NEBL: variants seen among roughly 807,000 people sequenced by gnomAD.
The protein encoded by NEBL is nebulette, also known as LIM and SH3 protein 2.
NEBL carries 122 observed loss-of-function variants against 140.2 expected under a neutral mutation model. The ratio of observed to expected loss-of-function variants is 0.87; its 90% CI spans 0.75 to 1.01. The LOEUF is 1.01. Among genes scored for constraint, NEBL ranks in the 50% least tolerant of loss-of-function variants. The probability of loss-of-function intolerance (pLI) is 0.00; values close to 1 mark genes in which losing one functional copy is unlikely to be tolerated. For synonymous variants in NEBL, 436 were observed against 398.9 expected, an observed-to-expected ratio of 1.09 and a Z score of -1.11; for missense variants, 1,365 against 1,231.3, an observed-to-expected ratio of 1.11 and a Z score of -1.62.
chr10:20,817,286 G>C (rs1314605144), intron 21 of NEBL, among the ~76,000 whole-genome samples: 5 of 152,138 alleles, frequency 3.3e-5, no homozygotes, highest in Non-Finnish European at 5.9e-5. Flanking sequence ...AGGATCACTT[G>C]AACCCAGAAG....
intron 3 of NEBL, among the ~76,000 whole-genome samples, chr10:21,012,917 G>A (rs1195381021): frequency 6.6e-6 from 1 of 152,164 alleles, no homozygotes; most frequent in Non-Finnish European, 1.5e-5. Flanking sequence ...CAGATGAAAA[G>A]GATGCAGGTC....
intron 3 of NEBL, among the ~76,000 whole-genome samples, chr10:21,240,408 C>A (rs531185220): frequency 6.6e-6 from 1 of 152,124 alleles, no homozygotes; most frequent in African/African-American, 2.4e-5. Context: ...CTTTGGGTAC[C>A]AAGGCAGGAG....
At chr10:21,040,348 G>C (rs1412129973) in intron 2 of NEBL, among the ~76,000 whole-genome samples, 4 of 149,042 alleles carry the variant, frequency 2.7e-5, no homozygotes, top group Non-Finnish European at 1.5e-5. Flanking sequence ...AAAAAAAAAA[G>C]AAAGAAAGAG....
chr10:20,895,167 C>G (rs1040975182), intron 2 of NEBL, among the ~76,000 whole-genome samples: 3 of 152,040 alleles, frequency 2.0e-5, no homozygotes, highest in Non-Finnish European at 4.4e-5. Context: ...CAACTCCAAC[C>G]AAATCACCTA....
chr10:21,122,116 C>G (rs995898296), intron 2 of NEBL, among the ~76,000 whole-genome samples: 18 of 152,020 alleles, frequency 1.2e-4, no homozygotes, highest in Admixed American at 2.6e-4. Flanking sequence ...ACCTCCACCT[C>G]CCAGGTTCAA....
intron 2 of NEBL, among the ~76,000 whole-genome samples, chr10:21,049,936 T>TC (rs1834697265): frequency 6.6e-6 from 1 of 152,202 alleles, no homozygotes. Context: ...CCAGAATACC[T>TC]CATTGATGAG....
chr10:20,935,491 G>A (rs1292551331), intron 4 of NEBL, among the ~76,000 whole-genome samples: 5 of 152,102 alleles, frequency 3.3e-5, no homozygotes, highest in Non-Finnish European at 7.4e-5. Flanking sequence ...TCGGTAGTGA[G>A]CCTTAAAATA....
At chr10:21,120,374 C>CAAAAAAAAAAAAAAA (rs1157067083) in intron 2 of NEBL, among the ~76,000 whole-genome samples, 4 of 48,390 alleles carry the variant, frequency 8.3e-5, no homozygotes, top group African/African-American at 3.7e-4. Flanking sequence ...GACTGTGTCT[C>CAAAAAAAAAAAAAAA]AAAAAAAAAA....
chr10:21,166,241 AAAAAGAAAAGAAAAAAAAAT>A (rs1840763667), intron 2 of NEBL, among the ~76,000 whole-genome samples: 3 of 103,272 alleles, frequency 2.9e-5, no homozygotes, highest in African/African-American at 5.0e-5. Context: ...AAAAAAAAAA[AAAAAGAAAAGAAAAAAAAAT>A]TTTCTACATC....
In NEBL at chr10:21,115,572, A is replaced by T. The variant is rs368860618; in HGVS notation, c.164+56811T>A. Among the ~76,000 whole-genome samples, 38 of 151,796 alleles carry T rather than the reference A, an allele frequency of 2.5e-4. 1 individual carries two copies. The South Asian group carries it at 7.1e-3, about 28-fold the overall frequency. Reference sequence around the variant, plus strand: ...TTCAGTGCCTTAAAGGTGCTGCTCCATTGTCTTCCGACTTGCATTGTTTCC... The same window carrying T: ...TTCAGTGCCTTAAAGGTGCTGCTCCTTTGTCTTCCGACTTGCATTGTTTCC... On this transcript the variant is annotated intron_variant, in intron 2 of 6. Coordinates refer to the NEBL transcript ENST00000417816.
intron 3 of NEBL, among the ~76,000 whole-genome samples, chr10:21,222,582 T>C (rs951151334): frequency 2.6e-5 from 4 of 152,184 alleles, no homozygotes; most frequent in African/African-American, 9.6e-5. Flanking sequence ...ATTTTCTTTG[T>C]GTTACTTTTT....
chr10:20,978,439 A>T (rs1474625956), intron 3 of NEBL, among the ~76,000 whole-genome samples: 1 of 152,160 alleles, frequency 6.6e-6, no homozygotes, highest in Non-Finnish European at 1.5e-5. Context: ...CCAAAAAAAA[A>T]AACGAGTTAT....
chr10:20,896,065 A>G (rs1308306050), intron 2 of NEBL, among the ~76,000 whole-genome samples: 3 of 152,108 alleles, frequency 2.0e-5, no homozygotes, highest in Admixed American at 6.5e-5. Flanking sequence ...CCGTTAGAAA[A>G]CAAACGTGCA....
At chr10:21,149,583 G>T (rs562694016) in intron 2 of NEBL, among the ~76,000 whole-genome samples, 1 of 152,146 alleles carries the variant, frequency 6.6e-6, no homozygotes, top group African/African-American at 2.4e-5. Flanking sequence ...GAGCCATCGC[G>T]CCCGACCTGT....
intron 1 of NEBL, among the ~76,000 whole-genome samples, chr10:21,278,689 G>C (rs892414915): frequency 6.6e-6 from 1 of 152,202 alleles, no homozygotes; most frequent in African/African-American, 2.4e-5. Flanking sequence ...GAAAGGAAGG[G>C]ACAGAGGAAG....
chr10:20,865,569 G>A (rs567875976), intron 7 of NEBL, among the ~76,000 whole-genome samples: 4 of 152,202 alleles, frequency 2.6e-5, no homozygotes, highest in African/African-American at 7.2e-5. Context: ...GGGAATCTTT[G>A]TCCCCAGAAA....
intron 3 of NEBL, among the ~76,000 whole-genome samples, chr10:20,998,083 A>G (rs1837743433): frequency 6.6e-6 from 1 of 152,250 alleles, no homozygotes; most frequent in Non-Finnish European, 1.5e-5. Context: ...CCTAATGAAG[A>G]GATCCTGGAG....
intron 3 of NEBL, among the ~76,000 whole-genome samples, chr10:21,186,957 A>G (rs895881809): frequency 6.6e-6 from 1 of 151,734 alleles, no homozygotes; most frequent in Non-Finnish European, 1.5e-5. Context: ...CTACAGATTC[A>G]GAACCCACAG....
intron 4 of NEBL, among the ~76,000 whole-genome samples, chr10:20,937,158 G>A (rs913803816): frequency 1.3e-5 from 2 of 152,080 alleles, no homozygotes; most frequent in African/African-American, 2.4e-5. Flanking sequence ...TGCTAAACTG[G>A]TTTTCCCATG....
Sources: gnomAD v4.1 joint callset for allele counts (sites outside exome capture counted in the v4.1 genomes callset) on GRCh38, gnomAD v4.1.1 for gene constraint, MANE v1.5 for transcripts, NCBI Gene and HGNC (gene_info 2026-07-23, HGNC 2026-07-21) for gene names.